PLEKHH1: variants seen among roughly 807,000 people sequenced by gnomAD.
PLEKHH1 encodes pleckstrin homology, MyTH4 and FERM domain containing H1.
PLEKHH1 carries 104 observed loss-of-function variants against 160.0 expected under a neutral mutation model. The observed-to-expected ratio is 0.65, with a 90% CI of 0.55 to 0.76. The LOEUF is 0.76. PLEKHH1 is among the 30% of genes least tolerant of loss of function. PLEKHH1 has a pLI of 0.00. For missense variants in PLEKHH1, 1,427 were observed against 1,724.1 expected (o/e 0.83, Z 3.05); for synonymous variants, 619 against 678.4 (o/e 0.91, Z 1.36).
In PLEKHH1 at chr14:67,541,092, A is replaced by G. The variant is rs966985540; in HGVS notation, c.-34-742A>G. On this transcript the variant is annotated intron_variant, in intron 1 of 28. Transcript: ENST00000329153. ...AACCTGAAGGAAATGGTGAGAATCT[A>G]TTCCAAAGTGGGATGGATGATTCGA... Among the ~76,000 whole-genome samples the G allele has an allele frequency of 2.6e-5, 4 of 152,362 alleles. No homozygotes were observed. The South Asian group carries it at 8.3e-4, about 32-fold the overall frequency.
Position 67,587,185 on chromosome 14 carries a change from C to T in PLEKHH1, c.4045C>T (p.Gln1349Ter). The T allele has an allele frequency of 6.2e-7, 1 of 1,613,874 alleles. No homozygotes were observed. The highest frequency in any genetic ancestry group is 8.5e-7 in the Non-Finnish European group (1 of 1,179,834). ...CCAGCTGTGGGAACTGGATGGACGA[C>T]AGTTCTTTTCTTCTGTTTCCTGTGC... The part of the protein sequence containing the change: ...ACQLWELDGR[Q>*]FFSSVSCATK... Residue 1349 changes from glutamine to a stop codon, truncating the protein, a stop_gained, in exon 29 of 29, where the codon CAG becomes TAG. Transcript: ENST00000329153. LOFTEE classifies it high-confidence loss of function.
chr14:67,583,800 C>G lies in PLEKHH1; in HGVS notation c.3486C>G (p.Ala1162=). Residue 1162 remains alanine, a synonymous_variant, in exon 25 of 29, where the codon GCC becomes GCG. Transcript: ENST00000329153. ...ALPGPGGTSP[A]KAQHLLQQVL... is the part of the protein sequence containing the mutation. The stretch of plus-strand genomic sequence containing the variant: ...CAGGCCCTGGAGGCACATCCCCTGC[C>G]AAGGCTCAGCATCTTCTCCAGCAGG... The G allele has an allele frequency of 6.2e-7, 1 of 1,612,858 alleles. No individual in the cohort carries two copies. Among genetic ancestry groups the G allele is most frequent in the Non-Finnish European group, 8.5e-7 (1 of 1,179,380 alleles).
Position 67,562,342 on chromosome 14 carries a change from G to A in PLEKHH1, c.711G>A (p.Glu237=). The change falls in exon 7 of 29, where the codon GAG becomes GAA. Residue 237 remains glutamate, a synonymous_variant. Transcript: ENST00000329153. ...TTTCTGAAGCAGCAAGCCCCTTGGAGGATTCTAGTTCCAGCACGGTCCATT... is the reference window on the plus strand; with the variant it reads ...TTTCTGAAGCAGCAAGCCCCTTGGAAGATTCTAGTTCCAGCACGGTCCATT... The part of the protein sequence containing the change: ...DSVSEAASPL[E]DSSSSTVHSG... The A allele has an allele frequency of 6.2e-7, 1 of 1,613,956 alleles. No individual in the cohort carries two copies. The highest frequency in any genetic ancestry group is 8.5e-7 in the Non-Finnish European group (1 of 1,179,844).
chr14:67,559,962 A>G (rs1335334047), intron 5 of PLEKHH1, among the ~76,000 whole-genome samples: 1 of 152,000 alleles, frequency 6.6e-6, no homozygotes, highest in Non-Finnish European at 1.5e-5. Context: ...AAGCCCCCTC[A>G]GTTTCTTTCT....
At position 67,583,552 on chromosome 14, in the gene PLEKHH1, G is replaced by T. The variant is rs191889787; in HGVS notation, c.3427-189G>T. ...TTGGTCGGTGATCTCTAATATTCGA[G>T]GGCCCTAAGTTTGTTTCTCTAGTGT... On this transcript the variant is annotated intron_variant, in intron 24 of 28. Coordinates refer to ENST00000329153, the MANE Select transcript of PLEKHH1 (RefSeq NM_020715.3). Among the ~76,000 whole-genome samples the T allele has an allele frequency of 2.6e-3, 401 of 152,262 alleles. 5 individuals are homozygous for T. The highest frequency in any genetic ancestry group is 9.4e-3 in the African/African-American group (390 of 41,548).
intron 1 of PLEKHH1, among the ~76,000 whole-genome samples, chr14:67,536,750 C>G (rs2033733462): frequency 6.6e-6 from 1 of 151,960 alleles, no homozygotes; most frequent in Admixed American, 6.5e-5. Context: ...TTGTATTAAA[C>G]TTAATCTTGG....
At chr14:67,544,443 A>C (rs2034097771) in intron 2 of PLEKHH1, among the ~76,000 whole-genome samples, 2 of 152,206 alleles carry the variant, frequency 1.3e-5, no homozygotes, top group South Asian at 4.1e-4. Flanking sequence ...CACAGAAAAA[A>C]AGCCTTAATG....
chr14:67,569,032 C>A lies in PLEKHH1; in HGVS notation c.1264-106C>A, dbSNP rs570152687. On this transcript the variant is annotated intron_variant, in intron 7 of 28. Transcript: ENST00000329153. ...GATTTGTTAGCCAGTCACTGCCCCC[C>A]ACAGGTCTGCCCACCCCCAAAGCCA... 41 of 694,776 alleles carry A rather than the reference C, an allele frequency of 5.9e-5. No homozygotes were observed. The East Asian group carries it at 8.6e-4, about 15-fold the overall frequency. The allele number at this position is 694,776 out of a possible 1,614,324, so 43.0% of individuals were successfully genotyped here.
At chr14:67,572,506 G>T (rs1207207063) in intron 11 of PLEKHH1, among the ~76,000 whole-genome samples, 1 of 152,158 alleles carries the variant, frequency 6.6e-6, no homozygotes, top group Non-Finnish European at 1.5e-5. Context: ...ACCAGCAATG[G>T]CCAGTTACTG....
chr14:67,545,924 A>G lies in PLEKHH1; in HGVS notation c.126+3931A>G, dbSNP rs572763921. Among the ~76,000 whole-genome samples the G allele has an allele frequency of 9.2e-5, 14 of 152,148 alleles. No individual in the cohort carries two copies. In the South Asian group the frequency reaches 2.9e-3, roughly 32 times the overall value. On this transcript the variant is annotated intron_variant, in intron 2 of 28. Transcript: ENST00000329153. ...ATTTGGGAATAAGCATCTGATTTCA[A>G]TTGAACAAAAGCTCTGCTGCTAAAA... is the stretch of plus-strand genomic sequence containing the variant.
intron 26 of PLEKHH1, chr14:67,585,111 C>T (rs1328317225): frequency 6.4e-6 from 1 of 156,630 alleles, no homozygotes; most frequent in Non-Finnish European, 1.4e-5. Context: ...TTCTTGCTTT[C>T]CTATTTCTTT....
At chr14:67,539,516 C>T (rs1032848601) in intron 1 of PLEKHH1, among the ~76,000 whole-genome samples, 6 of 152,110 alleles carry the variant, frequency 3.9e-5, no homozygotes, top group South Asian at 2.1e-4. Context: ...TGGTAAAGGT[C>T]AGTGCTTGGG....
Position 67,557,370 on chromosome 14 carries a change from G to A in PLEKHH1, c.291G>A (p.Lys97=). The part of the protein sequence containing the change: ...RKYQELLKAI[K]GKDELISQLE... ...ACCAAGAATTGCTGAAAGCCATAAA[G>A]GGCAAAGATGAGCTCATCAGCCAGC... The change falls in exon 4 of 29, where the codon AAG becomes AAA. Residue 97 remains lysine, a synonymous_variant. Coordinates refer to ENST00000329153, the MANE Select transcript of PLEKHH1 (RefSeq NM_020715.3). The A allele has an allele frequency of 6.2e-7, 1 of 1,613,978 alleles. No homozygotes were observed. Among genetic ancestry groups the A allele is most frequent in the Non-Finnish European group, 8.5e-7 (1 of 1,179,880 alleles).
intron 4 of PLEKHH1, 72 bp from the exon 5 acceptor site, chr14:67,559,536 G>T: frequency 1.9e-6 from 2 of 1,077,742 alleles, no homozygotes; most frequent in South Asian, 1.3e-5. Context: ...CCTTTCTTGG[G>T]GTTTCCCACC....
chr14:67,574,381 C>A lies in PLEKHH1; in HGVS notation c.2066C>A (p.Thr689Asn). ...PALLRGGTKPTVKGWLTKVKH... is the reference protein window; with the variant it reads ...PALLRGGTKPNVKGWLTKVKH... ...CTGCTTCGGGGTGGCACCAAGCCCA[C>A]CGTGAAGGGCTGGCTGACCAAGGTA... Residue 689 changes from threonine (T) to asparagine (N), a missense_variant, in exon 14 of 29, where the codon ACC becomes AAC. Physicochemically the swap from Thr to Asn is moderately conservative, Grantham distance 65. This residue lies in a region of PLEKHH1 where 831 missense variants were observed against 929.2 expected (regional missense o/e 0.89). Transcript: ENST00000329153. The surrounding 1 kb of genome is among the most constrained non-coding windows in gnomAD (Gnocchi z 4.2). 6.3e-7 allele frequency: 1 copy of A among 1,581,712 alleles called. No homozygotes were observed. The highest frequency in any genetic ancestry group is 8.6e-7 in the Non-Finnish European group (1 of 1,164,534).
chr14:67,537,381 A>ATAATAAT (rs763238564), intron 1 of PLEKHH1, among the ~76,000 whole-genome samples: 3 of 98,374 alleles, frequency 3.0e-5, no homozygotes, highest in African/African-American at 8.2e-5. Flanking sequence ...AATAATAATA[A>ATAATAAT]AAACTTAATC....
At position 67,572,139 on chromosome 14, in the gene PLEKHH1, C is replaced by G; in HGVS notation, c.1590C>G (p.Val530=). 6.2e-7 allele frequency: 1 copy of G among 1,606,160 alleles called. No individual in the cohort carries two copies. Among genetic ancestry groups the G allele is most frequent in the Non-Finnish European group, 8.5e-7 (1 of 1,176,626 alleles). ...LGSPRAIKRG[V]SMSSLSSEGD... ...GACTCCTCCTCCCTCGGCAAGGCGT[C>G]TCCATGTCCTCACTGAGCTCCGAGG... Residue 530 remains valine, a synonymous_variant, in exon 11 of 29, where the codon GTC becomes GTG. Coordinates refer to ENST00000329153, the MANE Select transcript of PLEKHH1 (RefSeq NM_020715.3).
chr14:67,575,803 T>C lies in PLEKHH1; in HGVS notation c.2170-20T>C. 6.2e-7 allele frequency: 1 copy of C among 1,602,754 alleles called. No individual in the cohort carries two copies. The highest frequency in any genetic ancestry group is 1.1e-5 in the South Asian group (1 of 89,908). On this transcript the variant is annotated intron_variant, in intron 15 of 28. Transcript: ENST00000329153. The stretch of plus-strand genomic sequence containing the variant: ...CATCCCCCACTGGCTCTCCCATTCA[T>C]GGAAGACTGCTGTCCACAGCGACCC...
intron 15 of PLEKHH1, 99 bp from the exon 16 acceptor site, chr14:67,575,724 A>T: frequency 1.1e-6 from 1 of 902,736 alleles, no homozygotes; most frequent in Non-Finnish European, 1.7e-6. Flanking sequence ...ATCGGTCCAT[A>T]TCCACGATTC....
Sources: gnomAD v4.1 joint callset for allele counts (sites outside exome capture counted in the v4.1 genomes callset) on GRCh38, gnomAD v4.1.1 for gene constraint, gnomAD v4.1.1 regional missense constraint, Gnocchi (gnomAD v3.1) non-coding constraint, MANE v1.5 for transcripts, NCBI Gene and HGNC (gene_info 2026-07-23, HGNC 2026-07-21) for gene names.